The following SLC12A1 variants were observed in gnomAD, a reference collection of about 807,000 sequenced individuals.
SLC12A1 encodes the protein solute carrier family 12 member 1, also known as Na-K-2Cl cotransporter.
In SLC12A1, 89 loss-of-function variants were observed where a neutral mutation model predicts 130.4. The observed-to-expected ratio is 0.68, with a 90% CI of 0.58 to 0.81. The LOEUF is 0.81. Ranked by LOEUF, SLC12A1 falls within the 40% of genes least tolerant of loss-of-function variation. The pLI, the probability that SLC12A1 is intolerant of heterozygous loss-of-function variation, is 0.00. For synonymous variants in SLC12A1, 499 were observed against 460.0 expected, an observed-to-expected ratio of 1.08 and a Z score of -1.09; for missense variants, 1,310 against 1,336.4, an observed-to-expected ratio of 0.98 and a Z score of 0.31.
chr15:48,231,021 G>A (rs541144272), intron 7 of SLC12A1, among the ~76,000 whole-genome samples: 123 of 152,262 alleles, frequency 8.1e-4, no homozygotes, highest in Admixed American at 1.9e-3. Flanking sequence ...CCGAATGATG[G>A]GAAACATGTC....
intron 4 of SLC12A1, chr15:48,225,976 T>C: frequency 1.3e-6 from 1 of 770,066 alleles, no homozygotes; most frequent in African/African-American, 1.9e-5. Flanking sequence ...CGCACCATCA[T>C]TTGTAAGGTA....
intron 2 of SLC12A1, among the ~76,000 whole-genome samples, chr15:48,208,793 C>A (rs1018794110): frequency 2.0e-5 from 3 of 152,178 alleles, no homozygotes; most frequent in African/African-American, 7.2e-5. Context: ...GTATAAAAAG[C>A]AAAACACTTG....
Position 48,207,812 on chromosome 15 carries a change from G to A in SLC12A1, c.93G>A (p.Glu31=), listed in dbSNP as rs1239472886. ...TTAGTGTCATAAATGAGAACCATGAGAGCAGTGCAGCTGCAGATGACAATA... is the reference window on the plus strand; with the variant it reads ...TTAGTGTCATAAATGAGAACCATGAAAGCAGTGCAGCTGCAGATGACAATA... ...FQVSVINENH[E]SSAAADDNTD... The change falls in exon 2 of 27, where the codon GAG becomes GAA. Residue 31 remains glutamate (E), a synonymous_variant. Coordinates refer to ENST00000380993, the MANE Select transcript of SLC12A1 (RefSeq NM_000338.3). 1 of 1,613,940 alleles carries A rather than the reference G, an allele frequency of 6.2e-7. No homozygotes were observed. The highest frequency in any genetic ancestry group is 1.1e-5 in the South Asian group (1 of 91,070).
chr15:48,277,293 G>A (rs1225629180), intron 20 of SLC12A1, among the ~76,000 whole-genome samples: 1 of 151,182 alleles, frequency 6.6e-6, no homozygotes, highest in African/African-American at 2.4e-5. Context: ...TGGAAGAGTT[G>A]GCCTGAAACA....
At chr15:48,210,637 C>G (rs1209241146) in intron 2 of SLC12A1, among the ~76,000 whole-genome samples, 1 of 150,790 alleles carries the variant, frequency 6.6e-6, no homozygotes, top group Non-Finnish European at 1.5e-5. Flanking sequence ...GGTGGATCAC[C>G]TGAGGTCAAA....
chr15:48,241,916 A>G (rs1033289441), intron 10 of SLC12A1, among the ~76,000 whole-genome samples: 1 of 152,182 alleles, frequency 6.6e-6, no homozygotes, highest in Non-Finnish European at 1.5e-5. Context: ...TCTGGCATAC[A>G]CTTCCCTTGT....
At chr15:48,294,762 C>T in intron 24 of SLC12A1, among the ~76,000 whole-genome samples, 1 of 152,286 alleles carries the variant, frequency 6.6e-6, no homozygotes, top group East Asian at 1.9e-4. Context: ...AGCAATAGGG[C>T]ATAGCTGGCC....
In SLC12A1 at chr15:48,251,378, G is replaced by A. The variant is rs879142441; in HGVS notation, c.1787-237G>A. Among the ~76,000 whole-genome samples, 13 of 151,748 alleles carry A rather than the reference G, an allele frequency of 8.6e-5. No individual in the cohort carries two copies. In the South Asian group the frequency reaches 2.5e-3, roughly 29 times the overall value. ...CACGGAGTATGGAGGGTCCTGAATG[G>A]CATATTTTTCAGATGCTTAACATTT... On this transcript the variant is annotated intron_variant, in intron 14 of 26. Transcript: ENST00000380993.
chr15:48,252,160 A>G (rs1037056154), intron 15 of SLC12A1, among the ~76,000 whole-genome samples: 4 of 152,308 alleles, frequency 2.6e-5, no homozygotes, highest in East Asian at 1.9e-4. Context: ...CCGAGATCAC[A>G]CCACTGCACT....
At chr15:48,210,939 T>C (rs2041045473) in intron 2 of SLC12A1, among the ~76,000 whole-genome samples, 1 of 151,900 alleles carries the variant, frequency 6.6e-6, no homozygotes, top group African/African-American at 2.4e-5. Context: ...ATAAATGTAA[T>C]AGCTGTTTGG....
intron 4 of SLC12A1, chr15:48,222,201 T>C (rs1408616000): frequency 6.6e-6 from 1 of 152,192 alleles, no homozygotes; most frequent in South Asian, 2.1e-4. Flanking sequence ...AAAATTAGGT[T>C]TTTAAGGGTA....
At chr15:48,297,848 T>G (rs1443085715) in intron 24 of SLC12A1, among the ~76,000 whole-genome samples, 1 of 152,098 alleles carries the variant, frequency 6.6e-6, no homozygotes, top group Non-Finnish European at 1.5e-5. Flanking sequence ...GACCCTACTC[T>G]CCAAAGCCAG....
intron 20 of SLC12A1, among the ~76,000 whole-genome samples, chr15:48,280,781 T>C (rs1002806841): frequency 3.3e-5 from 5 of 152,096 alleles, no homozygotes; most frequent in Non-Finnish European, 5.9e-5. Flanking sequence ...CTTTTTTATA[T>C]AACTTTGTAT....
chr15:48,252,227 A>G (rs1324586313), intron 15 of SLC12A1, among the ~76,000 whole-genome samples: 3 of 152,174 alleles, frequency 2.0e-5, no homozygotes, highest in Non-Finnish European at 4.4e-5. Context: ...AAGAATAAGA[A>G]TAACAATAGT....
chr15:48,288,765 C>T (rs2042086751), intron 23 of SLC12A1, among the ~76,000 whole-genome samples: 1 of 152,214 alleles, frequency 6.6e-6, no homozygotes. Context: ...ACAGAAGCCT[C>T]ATCTCAAGTC....
intron 6 of SLC12A1, 89 bp downstream of exon 6, chr15:48,229,417 A>T: frequency 7.6e-7 from 1 of 1,314,470 alleles, no homozygotes; most frequent in Non-Finnish European, 1.0e-6. Flanking sequence ...CATTACAGCT[A>T]AATGAGAGGA....
rs2041395802 is a variant in SLC12A1 at position 48,232,713 on chromosome 15, C to T, written c.976-14C>T. 6.6e-7 allele frequency: 1 copy of T among 1,507,514 alleles called. No homozygotes were observed. The highest frequency in any genetic ancestry group is 9.2e-7 in the Non-Finnish European group (1 of 1,082,748). The allele number at this position is 1,507,514 out of a possible 1,614,324, so 93.4% of individuals were successfully genotyped here. A position where few individuals can be genotyped will look rare whatever the true frequency, so the allele number is the denominator to read the frequency against. On this transcript the variant is annotated splice_polypyrimidine_tract_variant and intron_variant, in intron 7 of 26. Transcript: ENST00000380993. ...ATAAATCTGATTTGGTTTCCTTTTA[C>T]CTTTCCATTCCAGGCCCAAGTCATT...
intron 15 of SLC12A1, among the ~76,000 whole-genome samples, chr15:48,255,266 C>T (rs1177125283): frequency 2.0e-5 from 3 of 151,872 alleles, no homozygotes; most frequent in South Asian, 2.1e-4. Flanking sequence ...GGTGAAACCC[C>T]GTCTCTACTA....
At position 48,230,428 on chromosome 15, in the gene SLC12A1, C is replaced by T. The variant is rs2141033833; in HGVS notation, c.900C>T (p.Asp300=). The T allele has an allele frequency of 1.2e-6, 2 of 1,612,764 alleles. No homozygotes were observed. Among genetic ancestry groups the T allele is most frequent in the South Asian group, 2.2e-5 (2 of 90,510 alleles). Residue 300 remains aspartate, a synonymous_variant, in exon 7 of 27, where the codon GAC becomes GAT. Coordinates refer to ENST00000380993, the MANE Select transcript of SLC12A1 (RefSeq NM_000338.3). ...CGATGATGGTGGATCCAACCAATGACATCCGGATTATAGGCTCCATCACAG... is the reference window on the plus strand; with the variant it reads ...CGATGATGGTGGATCCAACCAATGATATCCGGATTATAGGCTCCATCACAG... ...SDSMMVDPTN[D]IRIIGSITVV... is the part of the protein sequence containing the mutation.
Sources: allele counts gnomAD v4.1 joint callset (sites outside exome capture counted in the v4.1 genomes callset), GRCh38; gene constraint gnomAD v4.1.1; transcripts MANE v1.5; gene names NCBI Gene and HGNC (gene_info 2026-07-23, HGNC 2026-07-21).